CLIC5: variants seen among roughly 807,000 people sequenced by gnomAD.
CLIC5 encodes the protein CLIC family member 5, also known as chloride intracellular channel protein 5.
Under a neutral mutation model 24.7 loss-of-function variants are expected in CLIC5, and 20 were observed. The ratio of observed to expected loss-of-function variants is 0.81; its 90% CI spans 0.57 to 1.18. The LOEUF is 1.18. Ranked by LOEUF, CLIC5 falls within the 50% of genes most tolerant of loss-of-function variation. The pLI is 0.00. For synonymous variants in CLIC5, 159 were observed against 135.6 expected (o/e 1.17, Z -1.20); for missense variants, 341 against 326.1 (o/e 1.05, Z -0.35).
At chr6:46,038,245 G>T (rs938370621) in intron 1 of CLIC5, among the ~76,000 whole-genome samples, 1 of 152,156 alleles carries the variant, frequency 6.6e-6, no homozygotes, top group Non-Finnish European at 1.5e-5. Flanking sequence ...TTAGCAGACT[G>T]CATGGCTGAA....
intron 4 of CLIC5, among the ~76,000 whole-genome samples, chr6:45,928,693 ATGAGCCTGTC>A (rs1763598444): frequency 6.6e-6 from 1 of 152,170 alleles, no homozygotes; most frequent in East Asian, 1.9e-4. Context: ...ATTAATTGAA[ATGAGCCTGTC>A]TAAGGAGGTA....
chr6:46,005,104 C>A (rs1766502885), intron 1 of CLIC5, among the ~76,000 whole-genome samples: 1 of 152,172 alleles, frequency 6.6e-6, no homozygotes, highest in Non-Finnish European at 1.5e-5. Context: ...GATCAAGAAA[C>A]CTCTATCTGT....
chr6:45,960,573 C>G lies in CLIC5; in HGVS notation c.64-5329G>C, dbSNP rs956683877. 2.6e-5 allele frequency among the ~76,000 whole-genome samples: 4 copies of G among 152,254 alleles called. No homozygotes were observed. In the South Asian group the frequency reaches 8.3e-4, roughly 32 times the overall value. ...CCCCAGCTATAGGCTCAGCATGCAACCCCCCTGGCACCTCATAGCCTCAGC... is the reference window on the plus strand; with the variant it reads ...CCCCAGCTATAGGCTCAGCATGCAAGCCCCCTGGCACCTCATAGCCTCAGC... On this transcript the variant is annotated intron_variant, in intron 1 of 5. Transcript: ENST00000339561.
chr6:46,086,249 C>T, the CLIC5 span, among the ~76,000 whole-genome samples: 2 of 152,230 alleles, frequency 1.3e-5, no homozygotes, highest in African/African-American at 4.8e-5. Flanking sequence ...GCACTGCACC[C>T]AGTGTCCTGT....
rs1763198342 is a variant in CLIC5, at chr6:45,920,160, C to T, written c.407-5751G>A. On this transcript the variant is annotated intron_variant, in intron 4 of 5. Transcript: ENST00000339561. ...AATTTGGTAACATATTTGTGTTCTG[C>T]TACCAGTGCTTGATTTCAGATATAA... 36 of 977,208 alleles carry T rather than the reference C, an allele frequency of 3.7e-5. No homozygotes were observed. In the South Asian group the frequency reaches 1.6e-3, roughly 44 times the overall value. The allele number at this position is 977,208 out of a possible 1,614,324, so 60.5% of individuals were successfully genotyped here.
At chr6:46,030,423 T>C (rs1767464777) in intron 1 of CLIC5, among the ~76,000 whole-genome samples, 1 of 152,202 alleles carries the variant, frequency 6.6e-6, no homozygotes, top group South Asian at 2.1e-4. Context: ...CTAACTGCTC[T>C]TTTGCTTTCT....
chr6:46,015,171 G>C (rs915145890), intron 1 of CLIC5, among the ~76,000 whole-genome samples: 5 of 152,194 alleles, frequency 3.3e-5, no homozygotes, highest in African/African-American at 1.2e-4. Flanking sequence ...CGTCTTTCAG[G>C]ACCAGCCTGA....
rs1763497612 is a variant in CLIC5 at position 45,926,411 on chromosome 6, C to T, written c.407-12002G>A. Among the ~76,000 whole-genome samples the T allele has an allele frequency of 2.0e-5, 3 of 150,774 alleles. No individual in the cohort carries two copies. In the South Asian group the frequency reaches 6.3e-4, roughly 32 times the overall value. On this transcript the variant is annotated intron_variant, in intron 4 of 5. Coordinates refer to ENST00000339561, the MANE Select transcript of CLIC5 (RefSeq NM_016929.5). ...TACAGGCACCCGCCACCACACCCGGCTAAATTTTTTTTTTTTTTGTATTTT... is the reference window on the plus strand; with the variant it reads ...TACAGGCACCCGCCACCACACCCGGTTAAATTTTTTTTTTTTTTGTATTTT...
At chr6:45,991,874 T>C (rs1410133965) in intron 1 of CLIC5, among the ~76,000 whole-genome samples, 3 of 152,302 alleles carry the variant, frequency 2.0e-5, no homozygotes, top group East Asian at 1.9e-4. Context: ...GTTGAAACTG[T>C]GTGAATCCAT....
intron 1 of CLIC5, among the ~76,000 whole-genome samples, chr6:46,010,659 G>A (rs1766775259): frequency 1.3e-5 from 2 of 152,200 alleles, no homozygotes; most frequent in Admixed American, 6.5e-5. Flanking sequence ...CACTGGCAGT[G>A]GACGTCAGCT....
chr6:46,096,223 T>C, the CLIC5 span, among the ~76,000 whole-genome samples: 1 of 152,144 alleles, frequency 6.6e-6, no homozygotes, highest in African/African-American at 2.4e-5. Flanking sequence ...AATCTGCCCC[T>C]ATGATTCAAT....
At chr6:45,910,134 CT>C (rs199987294) in intron 5 of CLIC5, among the ~76,000 whole-genome samples, 5 of 151,306 alleles carry the variant, frequency 3.3e-5, no homozygotes, top group South Asian at 2.1e-4. Flanking sequence ...TTTCAGTACC[CT>C]TTTTTTTTCT....
At chr6:45,987,414 A>T (rs1381279252) in intron 1 of CLIC5, among the ~76,000 whole-genome samples, 1 of 152,196 alleles carries the variant, frequency 6.6e-6, no homozygotes, top group Non-Finnish European at 1.5e-5. Context: ...ACAGTGCCTT[A>T]TAGACAGATG....
chr6:45,949,460 T>C, intron 2 of CLIC5, 79 bp from the exon 3 acceptor site: 1 of 1,483,066 alleles, frequency 6.7e-7, no homozygotes, highest in South Asian at 1.3e-5. Context: ...TGATTGTAAC[T>C]TAGATGCCCT....
chr6:46,103,831 C>T, the CLIC5 span, among the ~76,000 whole-genome samples: 1 of 152,102 alleles, frequency 6.6e-6, no homozygotes, highest in African/African-American at 2.4e-5. Context: ...TCCAAAGCTC[C>T]ACTCTTCTGG....
At position 46,029,106 on chromosome 6, in the gene CLIC5, T is replaced by C. The variant is rs373927131; in HGVS notation, c.540+50597A>G. 4.6e-5 allele frequency among the ~76,000 whole-genome samples: 7 copies of C among 152,278 alleles called. No homozygotes were observed. The East Asian group carries it at 9.6e-4, about 21-fold the overall frequency. On this transcript the variant is annotated intron_variant, in intron 1 of 5. Transcript: ENST00000185206. ...GACTGAATTCTTTAACTTAGTAATA[T>C]ACATTTACGGTTCTTCCATGCCTTT...
At chr6:46,025,872 C>A (rs559274530) in intron 1 of CLIC5, among the ~76,000 whole-genome samples, 2 of 152,140 alleles carry the variant, frequency 1.3e-5, no homozygotes, top group Non-Finnish European at 2.9e-5. Flanking sequence ...GCACTTCCCC[C>A]TTTGTTCTCT....
At chr6:46,007,685 T>C (rs923671995) in intron 1 of CLIC5, among the ~76,000 whole-genome samples, 1 of 152,158 alleles carries the variant, frequency 6.6e-6, no homozygotes, top group Non-Finnish European at 1.5e-5. Context: ...CCACATAGCG[T>C]ATATCCCAAA....
the CLIC5 span, among the ~76,000 whole-genome samples, chr6:46,088,985 T>C: frequency 1.3e-5 from 2 of 152,218 alleles, no homozygotes; most frequent in Non-Finnish European, 2.9e-5. Context: ...GCTCACTTAA[T>C]GTTTTGCATG....
Sources: gnomAD v4.1 joint callset for allele counts (sites outside exome capture counted in the v4.1 genomes callset) on GRCh38, gnomAD v4.1.1 for gene constraint, MANE v1.5 for transcripts, NCBI Gene and HGNC (gene_info 2026-07-23, HGNC 2026-07-21) for gene names.